TRIM2: variants seen among roughly 807,000 people sequenced by gnomAD.
The protein encoded by TRIM2 is tripartite motif containing 2.
TRIM2 carries 20 observed loss-of-function variants against 75.2 expected under a neutral mutation model. That is an observed-to-expected ratio of 0.27 (90% CI 0.19 to 0.39). TRIM2 has a LOEUF of 0.39. TRIM2 is among the 10% of genes least tolerant of loss of function. The pLI is 1.00. For synonymous variants in TRIM2, 373 were observed against 388.3 expected, an observed-to-expected ratio of 0.96 and a Z score of 0.46; for missense variants, 660 against 990.8, an observed-to-expected ratio of 0.67 and a Z score of 4.48.
rs753530479 is a variant in TRIM2 at position 153,295,414 on chromosome 4, G to T, written c.888G>T (p.Glu296Asp). ...AQALNHGTET[E>D]VLLVKKQMSE... ...CCCTCAACCATGGCACGGAGACCGA[G>T]GTCCTACTGGTGAAGAAGCAGATGA... Residue 296 changes from glutamate (E) to aspartate (D), a missense_variant, in exon 6 of 12, where the codon GAG becomes GAT. Coordinates refer to ENST00000338700, the MANE Select transcript of TRIM2 (RefSeq NM_015271.5). This position sits in a 1 kb window ranked among gnomAD's most constrained non-coding sequence, Gnocchi z 7.2. The T allele has an allele frequency of 6.2e-7, 1 of 1,614,138 alleles. No homozygotes were observed. The highest frequency in any genetic ancestry group is 8.5e-7 in the Non-Finnish European group (1 of 1,180,004).
At chr4:153,306,308 A>G (rs1764987768) in intron 6 of TRIM2, among the ~76,000 whole-genome samples, 4 of 152,264 alleles carry the variant, frequency 2.6e-5, no homozygotes, top group African/African-American at 9.6e-5. Context: ...AAAGGCTTAC[A>G]ACAGTGCAGG....
chr4:153,242,318 CTTT>C (rs56401547), intron 1 of TRIM2, among the ~76,000 whole-genome samples: 4 of 147,752 alleles, frequency 2.7e-5, no homozygotes, highest in African/African-American at 9.9e-5. Context: ...TGTCTTGTAT[CTTT>C]TTTTTTTTTC....
At chr4:153,244,437 T>TCTTCTTCTTCTTCTTCTTC (rs1206105496) in intron 1 of TRIM2, among the ~76,000 whole-genome samples, 99 of 102,558 alleles carry the variant, frequency 9.7e-4, no homozygotes, top group Middle Eastern at 4.9e-3. Flanking sequence ...TTCTTCTTCT[T>TCTTCTTCTTCTTCTTCTTC]TTAATTAGAG....
intron 1 of TRIM2, among the ~76,000 whole-genome samples, chr4:153,183,361 G>A (rs1014307433): frequency 6.6e-6 from 1 of 152,216 alleles, no homozygotes; most frequent in African/African-American, 2.4e-5. Context: ...GGCATGTATT[G>A]TGAAGTAGAA....
chr4:153,306,318 G>A lies in TRIM2; in HGVS notation c.1511-9167G>A, dbSNP rs1239172285. Among the ~76,000 whole-genome samples, 5 of 152,132 alleles carry A rather than the reference G, an allele frequency of 3.3e-5. No homozygotes were observed. The East Asian group carries it at 7.7e-4, about 23-fold the overall frequency. On this transcript the variant is annotated intron_variant, in intron 6 of 11. Transcript: ENST00000338700. ...CATGTAAAGGCTTACAACAGTGCAG[G>A]CACATGGTAAGGACTCAATAAATAT...
intron 8 of TRIM2, among the ~76,000 whole-genome samples, chr4:153,321,086 G>A (rs2149550366): frequency 6.6e-6 from 1 of 152,206 alleles, no homozygotes; most frequent in Middle Eastern, 3.4e-3. Context: ...TTCCTTGTCT[G>A]CTGTGGCGTC....
intron 6 of TRIM2, among the ~76,000 whole-genome samples, chr4:153,306,913 G>T (rs1765132960): frequency 6.6e-6 from 1 of 152,196 alleles, no homozygotes; most frequent in African/African-American, 2.4e-5. Flanking sequence ...TTGAAGAAAT[G>T]GAAGCTTAGA....
intron 1 of TRIM2, among the ~76,000 whole-genome samples, chr4:153,255,041 C>T (rs1010255379): frequency 1.3e-5 from 2 of 152,192 alleles, no homozygotes; most frequent in Non-Finnish European, 2.9e-5. Context: ...ACCTCCCTGG[C>T]CCTGTGTATC....
chr4:153,245,556 C>T (rs887988017), intron 1 of TRIM2, among the ~76,000 whole-genome samples: 1 of 152,098 alleles, frequency 6.6e-6, no homozygotes, highest in Non-Finnish European at 1.5e-5. Context: ...TTGGAAAAAA[C>T]CAACAGAAAA....
chr4:153,192,791 C>A (rs995907989), intron 1 of TRIM2, among the ~76,000 whole-genome samples: 2 of 152,026 alleles, frequency 1.3e-5, no homozygotes, highest in Non-Finnish European at 2.9e-5. Context: ...ATGCTGTTTT[C>A]CCAGACAGCC....
At chr4:153,154,347 C>T (rs1032594856) in intron 1 of TRIM2, among the ~76,000 whole-genome samples, 7 of 152,202 alleles carry the variant, frequency 4.6e-5, no homozygotes, top group Admixed American at 1.3e-4. Flanking sequence ...CAATGGAAGA[C>T]CTCACCTTCC....
intron 1 of TRIM2, among the ~76,000 whole-genome samples, chr4:153,249,369 C>T (rs1264155445): frequency 6.6e-6 from 1 of 152,180 alleles, no homozygotes; most frequent in African/African-American, 2.4e-5. Context: ...CCTAGGGCTC[C>T]GCCTGGCATG....
intron 1 of TRIM2, among the ~76,000 whole-genome samples, chr4:153,218,411 C>T (rs1336776110): frequency 3.9e-5 from 6 of 152,106 alleles, no homozygotes; most frequent in African/African-American, 9.7e-5. Flanking sequence ...GGTCTCTCTA[C>T]GTTGCCCAGG....
intron 4 of TRIM2, 61 bp from the exon 5 acceptor site, chr4:153,294,243 GA>G: frequency 1.3e-6 from 2 of 1,549,634 alleles, no homozygotes; most frequent in Non-Finnish European, 1.8e-6. Context: ...GTAGTGTTTA[GA>G]TAGATTTTGG....
chr4:153,174,426 C>G (rs997046060), intron 1 of TRIM2, among the ~76,000 whole-genome samples: 4 of 152,060 alleles, frequency 2.6e-5, no homozygotes, highest in Non-Finnish European at 4.4e-5. Context: ...CCTCCCAGGC[C>G]TCCCAGTACC....
chr4:153,226,481 T>C (rs1742159307), intron 1 of TRIM2, among the ~76,000 whole-genome samples: 1 of 152,230 alleles, frequency 6.6e-6, no homozygotes, highest in Non-Finnish European at 1.5e-5. Flanking sequence ...GGGCAATTTG[T>C]AGAAATATGC....
chr4:153,243,747 A>C (rs1747285411), intron 1 of TRIM2, among the ~76,000 whole-genome samples: 1 of 152,006 alleles, frequency 6.6e-6, no homozygotes, highest in Non-Finnish European at 1.5e-5. Context: ...TTCTTTATCT[A>C]GTAAAAATGG....
intron 3 of TRIM2, among the ~76,000 whole-genome samples, chr4:153,289,557 C>T (rs557940564): frequency 6.6e-5 from 10 of 152,170 alleles, no homozygotes; most frequent in Non-Finnish European, 8.8e-5. Context: ...TTACATTTTT[C>T]GCGACTCTAT....
chr4:153,338,841 T>C lies in TRIM2; in HGVS notation c.*3875T>C, dbSNP rs879938748. ...AACACAGCCTTAAACTCAATGCTTTTGCTTTATGACATGGGAATGTTCTGT... is the reference window on the plus strand; with the variant it reads ...AACACAGCCTTAAACTCAATGCTTTCGCTTTATGACATGGGAATGTTCTGT... On this transcript the variant is annotated 3_prime_UTR_variant, in exon 12 of 12. Coordinates refer to ENST00000338700, the MANE Select transcript of TRIM2 (RefSeq NM_015271.5). 1.0e-6 allele frequency: 1 copy of C among 985,736 alleles called. No individual in the cohort carries two copies. Among genetic ancestry groups the C allele is most frequent in the East Asian group, 1.1e-4 (1 of 8,834 alleles). 61.1% of individuals were successfully genotyped at this position (985,736 alleles called of 1,614,324 possible).
Sources: allele counts gnomAD v4.1 joint callset (sites outside exome capture counted in the v4.1 genomes callset), GRCh38; gene constraint gnomAD v4.1.1; non-coding constraint Gnocchi (gnomAD v3.1); transcripts MANE v1.5; gene names NCBI Gene and HGNC (gene_info 2026-07-23, HGNC 2026-07-21).